The following FGF12 variants were observed in gnomAD, a reference collection of about 807,000 sequenced individuals.
FGF12 encodes fibroblast growth factor 12B.
A neutral mutation model predicts 23.6 loss-of-function variants in FGF12; 14 were observed. The ratio of observed to expected loss-of-function variants is 0.59; its 90% CI spans 0.39 to 0.93. FGF12 has a LOEUF of 0.93. Among genes scored for constraint, FGF12 ranks in the 40% least tolerant of loss-of-function variants. The pLI is 0.00. For synonymous variants in FGF12, 62 were observed against 77.3 expected (o/e 0.80, Z 1.04); for missense variants, 175 against 217.8 (o/e 0.80, Z 1.24).
chr3:192,446,506 GACA>G (rs977884416), intron 2 of FGF12, among the ~76,000 whole-genome samples: 28 of 152,208 alleles, frequency 1.8e-4, no homozygotes, highest in Admixed American at 1.8e-3. Flanking sequence ...TTAAAAGAAT[GACA>G]ACATGTATCA....
intron 5 of FGF12, among the ~76,000 whole-genome samples, chr3:192,144,878 CAA>C (rs942306136): frequency 5.1e-4 from 77 of 152,238 alleles, no homozygotes; most frequent in African/African-American, 1.8e-3. Flanking sequence ...GTTATTCTTA[CAA>C]AACACGTTAA....
chr3:192,485,225 A>T (rs537473322), intron 2 of FGF12, among the ~76,000 whole-genome samples: 82 of 152,234 alleles, frequency 5.4e-4, no homozygotes, highest in African/African-American at 1.9e-3. Flanking sequence ...GACTTTATTG[A>T]CTTTATGGAG....
chr3:192,687,051 C>G (rs188654794), intron 2 of FGF12, among the ~76,000 whole-genome samples: 20 of 150,912 alleles, frequency 1.3e-4, no homozygotes, highest in South Asian at 2.1e-4. Flanking sequence ...GGATGGTCTC[C>G]ATCTCCTGAC....
At chr3:192,611,270 C>T (rs1714540900) in intron 2 of FGF12, among the ~76,000 whole-genome samples, 1 of 151,982 alleles carries the variant, frequency 6.6e-6, no homozygotes, top group African/African-American at 2.4e-5. Flanking sequence ...ATCAGAGTAT[C>T]CTTGAAAAGC....
chr3:192,277,380 ATT>A (rs1713856340), intron 4 of FGF12, among the ~76,000 whole-genome samples: 1 of 152,212 alleles, frequency 6.6e-6, no homozygotes, highest in African/African-American at 2.4e-5. Context: ...ATGAGAAAGC[ATT>A]CTGTAAAGAT....
chr3:192,516,756 G>C (rs1724680982), intron 2 of FGF12: 1 of 152,152 alleles, frequency 6.6e-6, no homozygotes, highest in African/African-American at 2.4e-5. Context: ...TTGTTCAGTG[G>C]TATCACAAGC....
chr3:192,151,023 G>T (rs1714025434), intron 5 of FGF12, among the ~76,000 whole-genome samples: 1 of 146,904 alleles, frequency 6.8e-6, no homozygotes, highest in Non-Finnish European at 1.5e-5. Flanking sequence ...CCTTGAAGAG[G>T]TCCTTCACAC....
At chr3:192,376,809 G>C (rs1002385577) in intron 2 of FGF12, among the ~76,000 whole-genome samples, 25 of 151,876 alleles carry the variant, frequency 1.6e-4, no homozygotes, top group Admixed American at 4.6e-4. Context: ...ACAACTTGGG[G>C]GTATGAATTA....
intron 2 of FGF12, among the ~76,000 whole-genome samples, chr3:192,726,211 A>T (rs1719208980): frequency 6.6e-6 from 1 of 152,202 alleles, no homozygotes; most frequent in Admixed American, 6.5e-5. Flanking sequence ...TAAAAATAAA[A>T]TCTTGTTTCA....
At position 192,141,759 on chromosome 3, in the gene FGF12, T is replaced by G. The variant is rs1230310155; in HGVS notation, c.*2250A>C. 2.6e-5 allele frequency: 4 copies of G among 151,160 alleles called. No individual in the cohort carries two copies. The East Asian group carries it at 5.8e-4, about 22-fold the overall frequency. 9.4% of individuals were successfully genotyped at this position (151,160 alleles called of 1,614,324 possible). A position where few individuals can be genotyped will look rare whatever the true frequency, so the allele number is the denominator to read the frequency against. ...ATAATTGTAATTGATTTTTATGATT[T>G]GCATCAATTGTGTTATTTATGAAAC... On this transcript the variant is annotated 3_prime_UTR_variant, in exon 6 of 6. Coordinates refer to ENST00000445105, the MANE Select transcript of FGF12 (RefSeq NM_004113.6).
intron 4 of FGF12, among the ~76,000 whole-genome samples, chr3:192,328,622 G>A (rs965773634): frequency 2.6e-5 from 4 of 152,144 alleles, no homozygotes; most frequent in Admixed American, 2.6e-4. Context: ...ATGGTTTTCA[G>A]TGAGGTCTGT....
At chr3:192,628,720 TA>T (rs1304723358) in intron 2 of FGF12, among the ~76,000 whole-genome samples, 1 of 149,722 alleles carries the variant, frequency 6.7e-6, no homozygotes, top group Admixed American at 6.7e-5. Flanking sequence ...AATATATACA[TA>T]AATACATATA....
At chr3:192,561,417 C>T (rs1338373152) in intron 2 of FGF12, among the ~76,000 whole-genome samples, 3 of 152,026 alleles carry the variant, frequency 2.0e-5, no homozygotes, top group East Asian at 1.9e-4. Context: ...GGCTGGAGTG[C>T]AGTGGTGCAA....
intron 4 of FGF12, among the ~76,000 whole-genome samples, chr3:192,266,579 A>G (rs993332248): frequency 6.6e-6 from 1 of 152,176 alleles, no homozygotes; most frequent in African/African-American, 2.4e-5. Context: ...GCTTTAGGGT[A>G]TAAATTAAAA....
At chr3:192,489,988 T>TA (rs1328461485) in intron 2 of FGF12, among the ~76,000 whole-genome samples, 1 of 152,014 alleles carries the variant, frequency 6.6e-6, no homozygotes, top group African/African-American at 2.4e-5. Flanking sequence ...AAATAAAAGT[T>TA]AAAAAAATAC....
intron 2 of FGF12, among the ~76,000 whole-genome samples, chr3:192,546,535 C>T (rs1431774867): frequency 6.6e-6 from 1 of 150,500 alleles, no homozygotes; most frequent in Non-Finnish European, 1.5e-5. Flanking sequence ...TACACCAAAA[C>T]CACAACTGGA....
At chr3:192,269,884 G>A (rs998569571) in intron 4 of FGF12, among the ~76,000 whole-genome samples, 1 of 151,974 alleles carries the variant, frequency 6.6e-6, no homozygotes. Context: ...ACAAATTTCT[G>A]AGTTTAATAA....
At position 192,596,197 on chromosome 3, in the gene FGF12, C is replaced by T. The variant is rs138507744; in HGVS notation, c.13+130984G>A. ...TAGATAATAGCATTTCTCATGATGC[C>T]TACTCTACTTGAGAATTAACTGCTG... On this transcript the variant is annotated intron_variant, in intron 2 of 5. Coordinates refer to ENST00000445105, the MANE Select transcript of FGF12 (RefSeq NM_004113.6). Among the ~76,000 whole-genome samples the T allele has an allele frequency of 9.7e-3, 1,390 of 143,816 alleles. 19 individuals carry two copies. The highest frequency in any genetic ancestry group is 0.035 in the African/African-American group (1,346 of 37,968). The allele number at this position is 143,816 out of a possible 152,430, so 94.3% of individuals were successfully genotyped here.
At position 192,268,806 on chromosome 3, in the gene FGF12, T is replaced by C. The variant is rs893869880; in HGVS notation, c.228+66555A>G. On this transcript the variant is annotated intron_variant, in intron 4 of 5. Coordinates refer to ENST00000445105, the MANE Select transcript of FGF12 (RefSeq NM_004113.6). ...TTACCCAGTCTCAAGTATTTCTTTA[T>C]AGCAATGCAAGAATAATCTAATACA... is the stretch of plus-strand genomic sequence containing the variant. 9 of 291,614 alleles carry C rather than the reference T, an allele frequency of 3.1e-5. No individual in the cohort carries two copies. In the Admixed American group the frequency reaches 3.3e-4, roughly 11 times the overall value. The allele number at this position is 291,614 out of a possible 1,614,324, so 18.1% of individuals were successfully genotyped here. A position where few individuals can be genotyped will look rare whatever the true frequency, so the allele number is the denominator to read the frequency against.
Sources: allele counts gnomAD v4.1 joint callset (sites outside exome capture counted in the v4.1 genomes callset), GRCh38; gene constraint gnomAD v4.1.1; transcripts MANE v1.5; gene names NCBI Gene and HGNC (gene_info 2026-07-23, HGNC 2026-07-21).